KCNC2: variants seen among roughly 807,000 people sequenced by gnomAD.
The protein encoded by KCNC2 is voltage-gated potassium channel KCNC2.
In KCNC2, 21 loss-of-function variants were observed where a neutral mutation model predicts 44.5. The observed-to-expected ratio is 0.47, with a 90% CI of 0.33 to 0.68. KCNC2 has a LOEUF of 0.68. KCNC2 is among the 30% of genes least tolerant of loss of function. The pLI is 0.01. For missense variants in KCNC2, 589 were observed against 826.2 expected, an observed-to-expected ratio of 0.71 and a Z score of 3.52; for synonymous variants, 391 against 339.1, an observed-to-expected ratio of 1.15 and a Z score of -1.68.
At chr12:75,167,824 G>A (rs565347415) in intron 2 of KCNC2, among the ~76,000 whole-genome samples, 19 of 150,622 alleles carry the variant, frequency 1.3e-4, no homozygotes, top group African/African-American at 4.6e-4. Context: ...TAATAAAATT[G>A]AATCATGGTT....
intron 2 of KCNC2, among the ~76,000 whole-genome samples, chr12:75,067,063 G>T (rs758760430): frequency 4.6e-5 from 7 of 152,086 alleles, no homozygotes; most frequent in Non-Finnish European, 1.5e-5. Context: ...TTAGCCAGCC[G>T]TGGTGGCATG....
intron 2 of KCNC2, among the ~76,000 whole-genome samples, chr12:75,110,303 T>A (rs1484628002): frequency 1.3e-5 from 2 of 152,086 alleles, no homozygotes; most frequent in African/African-American, 4.8e-5. Flanking sequence ...CTATACAAAG[T>A]AGGTAACTTT....
chr12:75,052,344 A>G (rs1881267635), intron 2 of KCNC2, among the ~76,000 whole-genome samples: 1 of 152,122 alleles, frequency 6.6e-6, no homozygotes, highest in Admixed American at 6.6e-5. Flanking sequence ...CTCACTTACC[A>G]AACTCTCAAA....
intron 2 of KCNC2, among the ~76,000 whole-genome samples, chr12:75,197,273 C>T (rs1352157982): frequency 6.6e-6 from 1 of 151,988 alleles, no homozygotes; most frequent in Non-Finnish European, 1.5e-5. Context: ...TCCACCCTCC[C>T]TGTTCTCTCA....
At chr12:75,153,523 A>G (rs534603957) in intron 2 of KCNC2, among the ~76,000 whole-genome samples, 16 of 151,890 alleles carry the variant, frequency 1.1e-4, no homozygotes, top group Non-Finnish European at 2.2e-4. Flanking sequence ...GGTACAAGGT[A>G]TATTACTTAG....
At chr12:75,169,613 T>G (rs576216657) in intron 2 of KCNC2, among the ~76,000 whole-genome samples, 4 of 151,664 alleles carry the variant, frequency 2.6e-5, no homozygotes, top group Non-Finnish European at 4.4e-5. Flanking sequence ...TATTCTATTT[T>G]AAAACAAAGT....
chr12:75,096,245 A>G (rs984122023), intron 2 of KCNC2, among the ~76,000 whole-genome samples: 1 of 152,036 alleles, frequency 6.6e-6, no homozygotes, highest in Non-Finnish European at 1.5e-5. Context: ...CAGGAGATTC[A>G]ATTTTCACAT....
At chr12:75,127,574 G>T (rs931613549) in intron 2 of KCNC2, among the ~76,000 whole-genome samples, 3 of 152,146 alleles carry the variant, frequency 2.0e-5, no homozygotes, top group Admixed American at 6.5e-5. Context: ...TAAAGGCATT[G>T]ACCTTAGAAC....
At chr12:75,171,673 T>C (rs1397879326) in intron 2 of KCNC2, among the ~76,000 whole-genome samples, 2 of 151,640 alleles carry the variant, frequency 1.3e-5, no homozygotes, top group Non-Finnish European at 3.0e-5. Flanking sequence ...TACAGTTAGG[T>C]GGAATAAGTT....
intron 2 of KCNC2, among the ~76,000 whole-genome samples, chr12:75,103,874 C>T (rs1036533899): frequency 6.6e-6 from 1 of 152,196 alleles, no homozygotes; most frequent in Admixed American, 6.5e-5. Context: ...AATGGTCTCT[C>T]TCAAAATATC....
At chr12:75,165,357 C>T (rs746654785) in intron 2 of KCNC2, among the ~76,000 whole-genome samples, 3 of 151,392 alleles carry the variant, frequency 2.0e-5, no homozygotes, top group Admixed American at 1.3e-4. Flanking sequence ...CCCTCAACTC[C>T]GCTCTTACTA....
intron 2 of KCNC2, among the ~76,000 whole-genome samples, chr12:75,189,292 T>C (rs562329590): frequency 5.9e-5 from 9 of 152,310 alleles, no homozygotes; most frequent in Non-Finnish European, 1.2e-4. Context: ...GTTACCACCA[T>C]GGTCACGTTC....
intron 2 of KCNC2, among the ~76,000 whole-genome samples, chr12:75,174,528 T>C (rs142073535): frequency 3.3e-5 from 5 of 152,046 alleles, no homozygotes; most frequent in African/African-American, 1.2e-4. Flanking sequence ...GCAGTCATAT[T>C]ATATAGTCTG....
chr12:75,199,474 A>G (rs2031058304), intron 2 of KCNC2, among the ~76,000 whole-genome samples: 1 of 151,870 alleles, frequency 6.6e-6, no homozygotes, highest in Non-Finnish European at 1.5e-5. Context: ...ATTTTGCCCC[A>G]AGTTCTTCTG....
Position 75,207,717 on chromosome 12 carries a change from G to T in KCNC2, c.267C>A (p.Gly89=). 2 of 1,577,610 alleles carry T rather than the reference G, an allele frequency of 1.3e-6. No homozygotes were observed. Among genetic ancestry groups the T allele is most frequent in the Non-Finnish European group, 1.7e-6 (2 of 1,162,234 alleles). The change falls in exon 2 of 5, where the codon GGC becomes GGA. Residue 89 remains glycine (G), a synonymous_variant. Coordinates refer to ENST00000549446, the MANE Select transcript of KCNC2 (RefSeq NM_139137.4). The surrounding 1 kb of genome is among the most constrained non-coding windows in gnomAD (Gnocchi z 4.1). ...EGGAGNCSSR[G]GRASDHPGGG... is the part of the protein sequence containing the mutation. ...CACCGGGATGGTCGCTGGCCCTGCC[G>T]CCGCGGGAACTGCAGTTGCCCGCGC... is the stretch of plus-strand genomic sequence containing the variant.
At chr12:75,177,057 T>TATAC (rs1491339880) in intron 2 of KCNC2, among the ~76,000 whole-genome samples, 57 of 127,288 alleles carry the variant, frequency 4.5e-4, no homozygotes, top group South Asian at 1.3e-3. Context: ...TATATATATA[T>TATAC]ACACACACAC....
At chr12:75,124,247 A>C (rs1427382470) in intron 2 of KCNC2, 1 of 152,190 alleles carries the variant, frequency 6.6e-6, no homozygotes, top group African/African-American at 2.4e-5. Flanking sequence ...ACACCTTTAC[A>C]CTGTATGTTT....
At chr12:75,177,195 G>C (rs1244994052) in intron 2 of KCNC2, among the ~76,000 whole-genome samples, 1 of 151,502 alleles carries the variant, frequency 6.6e-6, no homozygotes, top group African/African-American at 2.4e-5. Context: ...AACTTAATGG[G>C]AAGATTTACG....
chr12:75,121,817 A>G (rs1888064369), intron 2 of KCNC2, among the ~76,000 whole-genome samples: 1 of 152,184 alleles, frequency 6.6e-6, no homozygotes, highest in African/African-American at 2.4e-5. Context: ...TGTTTCTGGC[A>G]TTCACCATGA....
Sources: allele counts gnomAD v4.1 joint callset (sites outside exome capture counted in the v4.1 genomes callset), GRCh38; gene constraint gnomAD v4.1.1; non-coding constraint Gnocchi (gnomAD v3.1); transcripts MANE v1.5; gene names NCBI Gene and HGNC (gene_info 2026-07-23, HGNC 2026-07-21).